PLPPR1: variants seen among roughly 807,000 people sequenced by gnomAD.
PLPPR1 encodes the protein phospholipid phosphatase-related protein type 1.
A neutral mutation model predicts 33.1 loss-of-function variants in PLPPR1; 10 were observed. The observed-to-expected ratio is 0.30, with a 90% CI of 0.19 to 0.51. The LOEUF is 0.51. Ranked by LOEUF, PLPPR1 falls within the 20% of genes least tolerant of loss-of-function variation. PLPPR1 has a pLI of 0.97. For missense variants in PLPPR1, 304 were observed against 408.1 expected, an observed-to-expected ratio of 0.74 and a Z score of 2.20; for synonymous variants, 151 against 151.0, an observed-to-expected ratio of 1.00 and a Z score of 0.00.
chr9:101,211,393 C>A (rs559588620), intron 2 of PLPPR1, among the ~76,000 whole-genome samples: 22 of 152,208 alleles, frequency 1.4e-4, no homozygotes, highest in African/African-American at 3.6e-4. Flanking sequence ...TTGTCCAAAT[C>A]AAAAAATATG....
chr9:101,039,806 T>C (rs1830054418), intron 1 of PLPPR1, among the ~76,000 whole-genome samples: 1 of 150,930 alleles, frequency 6.6e-6, no homozygotes, highest in South Asian at 2.1e-4. Flanking sequence ...ACAGGAAAAA[T>C]CCACCCCATA....
chr9:101,121,417 T>C (rs1831177314), intron 1 of PLPPR1, among the ~76,000 whole-genome samples: 1 of 152,194 alleles, frequency 6.6e-6, no homozygotes, highest in South Asian at 2.1e-4. Flanking sequence ...CCCAAATCTG[T>C]AGCCAGATCT....
At chr9:101,246,668 T>C (rs1003730210) in intron 2 of PLPPR1, among the ~76,000 whole-genome samples, 26 of 152,174 alleles carry the variant, frequency 1.7e-4, no homozygotes, top group Middle Eastern at 3.4e-3. Context: ...TAACTATATC[T>C]GGTGCCCATT....
At chr9:101,293,778 A>T (rs961881004) in intron 4 of PLPPR1, among the ~76,000 whole-genome samples, 7 of 152,238 alleles carry the variant, frequency 4.6e-5, no homozygotes, top group Admixed American at 3.9e-4. Flanking sequence ...ACAACATACC[A>T]GAATCTCTGG....
intron 1 of PLPPR1, among the ~76,000 whole-genome samples, chr9:101,134,803 T>C (rs943151330): frequency 2.6e-5 from 4 of 152,126 alleles, no homozygotes; most frequent in Non-Finnish European, 4.4e-5. Context: ...CAAGAGCAAA[T>C]GTGTGGGACA....
intron 1 of PLPPR1, chr9:101,125,598 A>G (rs1322978478): frequency 3.7e-6 from 2 of 546,720 alleles, no homozygotes. Flanking sequence ...GCCCTTGCAA[A>G]TTTCCACTCC....
At chr9:101,055,838 T>C (rs1453863766) in intron 1 of PLPPR1, among the ~76,000 whole-genome samples, 1 of 152,244 alleles carries the variant, frequency 6.6e-6, no homozygotes, top group Admixed American at 6.5e-5. Context: ...TTGAGGATTC[T>C]CTTGCTAGTA....
At chr9:101,165,497 A>G (rs778826422) in intron 1 of PLPPR1, among the ~76,000 whole-genome samples, 1 of 152,200 alleles carries the variant, frequency 6.6e-6, no homozygotes, top group Non-Finnish European at 1.5e-5. Flanking sequence ...AGGAACTCCA[A>G]TTTGTTTGGG....
intron 1 of PLPPR1, among the ~76,000 whole-genome samples, chr9:101,120,430 A>G (rs183611521): frequency 5.3e-4 from 81 of 152,328 alleles, no homozygotes; most frequent in African/African-American, 1.9e-3. Flanking sequence ...TATCATCTAT[A>G]TTTATTACAC....
chr9:101,279,744 A>G (rs1163353874), intron 3 of PLPPR1, among the ~76,000 whole-genome samples: 1 of 152,162 alleles, frequency 6.6e-6, no homozygotes, highest in African/African-American at 2.4e-5. Context: ...GAAAGAAGTT[A>G]AGAAATATTA....
At chr9:101,079,401 A>C (rs947450340) in intron 1 of PLPPR1, among the ~76,000 whole-genome samples, 1 of 152,154 alleles carries the variant, frequency 6.6e-6, no homozygotes, top group South Asian at 2.1e-4. Context: ...AGGATACACA[A>C]GAGGGAAGGT....
At chr9:101,146,121 A>G (rs1016641392) in intron 1 of PLPPR1, among the ~76,000 whole-genome samples, 21 of 152,278 alleles carry the variant, frequency 1.4e-4, no homozygotes, top group African/African-American at 4.6e-4. Flanking sequence ...ATAGTGCTTC[A>G]TATCTCTTGG....
rs567557365 is a variant in PLPPR1, at chr9:101,132,261, A to G, written c.-45-53189A>G. 1.4e-4 allele frequency among the ~76,000 whole-genome samples: 21 copies of G among 152,328 alleles called. No homozygotes were observed. In the South Asian group the frequency reaches 2.1e-3, roughly 15 times the overall value. ...ACACTAGAAGGAGGATGACTATTGT[A>G]TGCCTACGATACTTGAGTTTATCCC... is the stretch of plus-strand genomic sequence containing the variant. On this transcript the variant is annotated intron_variant, in intron 1 of 7. Transcript: ENST00000374874.
chr9:101,134,915 C>T (rs1211701176), intron 1 of PLPPR1, among the ~76,000 whole-genome samples: 2 of 152,068 alleles, frequency 1.3e-5, no homozygotes, highest in African/African-American at 2.4e-5. Flanking sequence ...CTGGGTATGG[C>T]TTATGGGGCA....
At chr9:101,113,161 T>TAAGAATAATTTTAAAAAAAAAAAAAAAA (rs1554726961) in intron 1 of PLPPR1, among the ~76,000 whole-genome samples, 1 of 151,958 alleles carries the variant, frequency 6.6e-6, no homozygotes, top group Non-Finnish European at 1.5e-5. Context: ...GAGGAAGTTA[T>TAAGAATAATTTTAAAAAAAAAAAAAAAA]AAGAATAATT....
intron 2 of PLPPR1, among the ~76,000 whole-genome samples, chr9:101,205,586 A>G (rs1050886082): frequency 6.6e-6 from 1 of 152,020 alleles, no homozygotes; most frequent in African/African-American, 2.4e-5. Context: ...CCTTTTTTTG[A>G]TGTTCATAAA....
chr9:101,188,460 TTTC>T (rs1179036823), intron 2 of PLPPR1, among the ~76,000 whole-genome samples: 1 of 152,116 alleles, frequency 6.6e-6, no homozygotes, highest in Non-Finnish European at 1.5e-5. Context: ...AGCAGATTTA[TTTC>T]TTCTTTTCCA....
intron 4 of PLPPR1, among the ~76,000 whole-genome samples, chr9:101,289,006 G>T (rs1334596946): frequency 1.3e-5 from 2 of 152,102 alleles, no homozygotes; most frequent in African/African-American, 2.4e-5. Flanking sequence ...AGCCTACAGA[G>T]CCCTTCACAA....
intron 1 of PLPPR1, among the ~76,000 whole-genome samples, chr9:101,166,509 A>G (rs1304316999): frequency 1.3e-5 from 2 of 152,206 alleles, no homozygotes; most frequent in African/African-American, 2.4e-5. Context: ...CAGACATTAA[A>G]GAAAGACAAT....
Sources: allele counts gnomAD v4.1 joint callset (sites outside exome capture counted in the v4.1 genomes callset), GRCh38; gene constraint gnomAD v4.1.1; transcripts MANE v1.5; gene names NCBI Gene and HGNC (gene_info 2026-07-23, HGNC 2026-07-21).